Variants in EIF5B observed in about 807,000 individuals in gnomAD.
The protein encoded by EIF5B is eukaryotic translation initiation factor 5B.
A neutral mutation model predicts 147.5 loss-of-function variants in EIF5B; 47 were observed. That is an observed-to-expected ratio of 0.32 (90% CI 0.25 to 0.41). The LOEUF is 0.41. EIF5B is among the 10% of genes least tolerant of loss of function. EIF5B has a pLI of 1.00. For missense variants in EIF5B, 1,064 were observed against 1,413.2 expected (o/e 0.75, Z 3.96); for synonymous variants, 455 against 456.2 (o/e 1.00, Z 0.03).
At chr2:99,338,316 C>G in intron 1 of EIF5B, 1 of 1,288,992 alleles carries the variant, frequency 7.8e-7, no homozygotes, top group Non-Finnish European at 1.0e-6. Context: ...GAGTTACTTA[C>G]CTAGAGATTT....
chr2:99,376,654 T>G lies in EIF5B; in HGVS notation c.1842+18T>G. On this transcript the variant is annotated intron_variant, in intron 10 of 23. Coordinates refer to ENST00000289371, the MANE Select transcript of EIF5B (RefSeq NM_015904.4). ...GGATTGAGGTATTTATTTTACCGTT[T>G]CTCTCTACTTTTCTTCCCACTCCTC... 1 of 1,577,706 alleles carries G rather than the reference T, an allele frequency of 6.3e-7. No individual in the cohort carries two copies.
intron 12 of EIF5B, among the ~76,000 whole-genome samples, chr2:99,380,437 T>TCTCA (rs1674664894): frequency 6.6e-6 from 1 of 152,232 alleles, no homozygotes; most frequent in African/African-American, 2.4e-5. Flanking sequence ...TGTGCTGAGA[T>TCTCA]AGTCCCATCT....
intron 3 of EIF5B, 107 bp downstream of exon 3, chr2:99,360,656 G>A: frequency 2.0e-6 from 2 of 1,006,606 alleles, no homozygotes; most frequent in South Asian, 4.4e-5. Context: ...TGTACAATAT[G>A]TTATTTAAAA....
At chr2:99,392,820 G>A in intron 17 of EIF5B, 147 bp from the exon 18 acceptor site, 1 of 634,306 alleles carries the variant, frequency 1.6e-6, no homozygotes, top group Non-Finnish European at 2.3e-6. Flanking sequence ...TAATTTTAAT[G>A]TTAAATTTAT....
chr2:99,385,629 G>T (rs1674788294), intron 14 of EIF5B, among the ~76,000 whole-genome samples: 1 of 152,188 alleles, frequency 6.6e-6, no homozygotes, highest in African/African-American at 2.4e-5. Context: ...CTACAATATA[G>T]TATAAGCATC....
intron 17 of EIF5B, among the ~76,000 whole-genome samples, chr2:99,392,753 T>A (rs1001069357): frequency 6.6e-6 from 1 of 152,242 alleles, no homozygotes; most frequent in Non-Finnish European, 1.5e-5. Flanking sequence ...TGTTTTGCAA[T>A]ATCTTCTACT....
chr2:99,392,882 T>C (rs1386667585), intron 17 of EIF5B, 85 bp from the exon 18 acceptor site: 1 of 1,223,964 alleles, frequency 8.2e-7, no homozygotes, highest in Non-Finnish European at 1.1e-6. Context: ...CTCTCTCTAA[T>C]ATCATGATGA....
rs1418503052 is a variant in EIF5B at position 99,400,232 on chromosome 2, T to TTGATC, written c.*821_*825dup. The TTGATC allele has an allele frequency of 2.0e-5, 3 of 149,274 alleles. No homozygotes were observed. Among genetic ancestry groups the TTGATC allele is most frequent in the African/African-American group, 7.7e-5 (3 of 38,778 alleles). 9.2% of individuals were successfully genotyped at this position (149,274 alleles called of 1,614,324 possible). A position where few individuals can be genotyped will look rare whatever the true frequency, so the allele number is the denominator to read the frequency against. ...ACATTAATCTTGATCTGTTTTAATC[T>TTGATC]TGATCTGTTTTAGTAGAGATTTTTA... On this transcript the variant is annotated 3_prime_UTR_variant, in exon 24 of 24. Coordinates refer to ENST00000289371, the MANE Select transcript of EIF5B (RefSeq NM_015904.4).
chr2:99,398,002 G>C (rs1397887793), intron 22 of EIF5B: 2 of 151,572 alleles, frequency 1.3e-5, no homozygotes, highest in Non-Finnish European at 2.9e-5. Context: ...TGGTCAGTAG[G>C]AGCTCAACTG....
intron 1 of EIF5B, among the ~76,000 whole-genome samples, chr2:99,344,475 C>T (rs1371252367): frequency 1.3e-5 from 2 of 151,052 alleles, no homozygotes; most frequent in Non-Finnish European, 2.9e-5. Context: ...CTCACTCTGT[C>T]ACCCAGGCTG....
chr2:99,339,739 G>C (rs1048681850), intron 1 of EIF5B, among the ~76,000 whole-genome samples: 4 of 152,216 alleles, frequency 2.6e-5, no homozygotes, highest in Admixed American at 2.6e-4. Context: ...TGGGAGACAA[G>C]ATGTTTATTC....
intron 14 of EIF5B, among the ~76,000 whole-genome samples, chr2:99,388,500 T>C (rs996343274): frequency 5.3e-5 from 8 of 152,172 alleles, no homozygotes; most frequent in African/African-American, 1.4e-4. Flanking sequence ...TGGTTTAAAG[T>C]GCTTTATGTT....
chr2:99,384,143 G>T (rs1674749295), intron 14 of EIF5B, among the ~76,000 whole-genome samples: 1 of 142,992 alleles, frequency 7.0e-6, no homozygotes, highest in Non-Finnish European at 1.5e-5. Flanking sequence ...CTTGCAGTGA[G>T]CCGAGATCGC....
chr2:99,343,901 A>G (rs1406784409), intron 1 of EIF5B, among the ~76,000 whole-genome samples: 2 of 148,940 alleles, frequency 1.3e-5, no homozygotes, highest in African/African-American at 4.9e-5. Flanking sequence ...TGTATGTGGT[A>G]TGATGTAGGG....
At chr2:99,362,184 C>G (rs1674229906) in intron 4 of EIF5B, among the ~76,000 whole-genome samples, 1 of 152,114 alleles carries the variant, frequency 6.6e-6, no homozygotes, top group African/African-American at 2.4e-5. Flanking sequence ...TCTTTAAAAA[C>G]CTAGTTCAAT....
At chr2:99,373,425 T>A (rs1674495828) in intron 9 of EIF5B, among the ~76,000 whole-genome samples, 2 of 152,266 alleles carry the variant, frequency 1.3e-5, no homozygotes, top group African/African-American at 4.8e-5. Context: ...CTTCACATGA[T>A]GGAAGGGAGG....
intron 14 of EIF5B, among the ~76,000 whole-genome samples, chr2:99,385,296 C>G (rs371235126): frequency 6.6e-6 from 1 of 152,200 alleles, no homozygotes; most frequent in Non-Finnish European, 1.5e-5. Context: ...CTGCCTGCCT[C>G]GGCCTGCCAA....
At chr2:99,392,818 A>G (rs1674964923) in intron 17 of EIF5B, 149 bp from the exon 18 acceptor site, 2 of 618,932 alleles carry the variant, frequency 3.2e-6, no homozygotes, top group African/African-American at 1.9e-5. Flanking sequence ...TTTAATTTTA[A>G]TGTTAAATTT....
intron 1 of EIF5B, among the ~76,000 whole-genome samples, chr2:99,346,224 C>T (rs886131537): frequency 1.3e-5 from 2 of 152,152 alleles, no homozygotes; most frequent in African/African-American, 4.8e-5. Context: ...TTCTGTGTCT[C>T]TAGAGTACCA....
Sources: gnomAD v4.1 joint callset for allele counts (sites outside exome capture counted in the v4.1 genomes callset) on GRCh38, gnomAD v4.1.1 for gene constraint, MANE v1.5 for transcripts, NCBI Gene and HGNC (gene_info 2026-07-23, HGNC 2026-07-21) for gene names.